The following CRYBB2 variants were observed in gnomAD, a reference collection of about 807,000 sequenced individuals.
CRYBB2 encodes the protein crystallin beta B2, also known as beta-crystallin B2.
In CRYBB2, 12 loss-of-function variants were observed where a neutral mutation model predicts 24.3. The ratio of observed to expected loss-of-function variants is 0.49; its 90% CI spans 0.32 to 0.80. The LOEUF (loss-of-function observed/expected upper bound fraction) is 0.80, where lower values mean the gene tolerates loss of function less well. Among genes scored for constraint, CRYBB2 ranks in the 30% least tolerant of loss-of-function variants. The probability of loss-of-function intolerance (pLI) is 0.04; values close to 1 mark genes in which losing one functional copy is unlikely to be tolerated. For synonymous variants in CRYBB2, 98 were observed against 101.6 expected, an observed-to-expected ratio of 0.96 and a Z score of 0.21; for missense variants, 198 against 268.5, an observed-to-expected ratio of 0.74 and a Z score of 1.83.
In CRYBB2 at chr22:25,227,721, T is replaced by G. The variant is rs528096338; in HGVS notation, c.174-132T>G. The G allele has an allele frequency of 1.0e-4, 152 of 1,491,638 alleles. No homozygotes were observed. In the East Asian group the frequency reaches 2.6e-3, roughly 25 times the overall value. 92.4% of individuals were successfully genotyped at this position (1,491,638 alleles called of 1,614,324 possible). On this transcript the variant is annotated intron_variant, in intron 3 of 5. Coordinates refer to ENST00000398215, the MANE Select transcript of CRYBB2 (RefSeq NM_000496.3). ...CACTTGGATTTGCTGTGCTAAGGTT[T>G]GGGTGGGGCTATTACATCTTGCCGG...
intron 3 of CRYBB2, among the ~76,000 whole-genome samples, chr22:25,226,966 G>A (rs1315815600): frequency 2.6e-5 from 4 of 152,048 alleles, no homozygotes; most frequent in South Asian, 2.1e-4. Context: ...GAGCCACAGC[G>A]CCCAGCCCCT....
intron 5 of CRYBB2, among the ~76,000 whole-genome samples, chr22:25,230,597 A>G (rs9612899): frequency 0.12 from 18,074 of 147,416 alleles, 1,322 homozygotes; most frequent in Non-Finnish European, 0.17. Context: ...AACAGAACCA[A>G]TTTAGCCAAA....
chr22:25,218,716 G>GAGGAGAGAGAA (rs1935230404), upstream of CRYBB2, among the ~76,000 whole-genome samples: 2 of 79,320 alleles, frequency 2.5e-5, 1 homozygote, highest in Non-Finnish European at 4.3e-5. Context: ...GGGAGAGAGA[G>GAGGAGAGAGAA]AGAGAGAGAG....
At chr22:25,230,932 C>T (rs1308734630) in intron 5 of CRYBB2, among the ~76,000 whole-genome samples, 2 of 152,036 alleles carry the variant, frequency 1.3e-5, no homozygotes, top group South Asian at 4.2e-4. Flanking sequence ...GGAAGAGCAT[C>T]CCAGACAACG....
At chr22:25,218,123 T>A (rs144054147), upstream of CRYBB2, among the ~76,000 whole-genome samples, 2 of 150,688 alleles carry the variant, frequency 1.3e-5, no homozygotes, top group Non-Finnish European at 2.9e-5. Context: ...GCCGGGCGTG[T>A]TGGCGGGCGC....
At chr22:25,229,609 G>T in intron 5 of CRYBB2, 31 bp downstream of exon 5, 1 of 1,613,102 alleles carries the variant, frequency 6.2e-7, no homozygotes, top group South Asian at 1.1e-5. Flanking sequence ...GGCTCACCCT[G>T]CCCCAGGAAC....
At chr22:25,218,792 A>AAAAGAAAG (rs1935256597), upstream of CRYBB2, among the ~76,000 whole-genome samples, 1 of 107,484 alleles carries the variant, frequency 9.3e-6, no homozygotes, top group East Asian at 3.4e-4. Context: ...GAAAGAAAGA[A>AAAAGAAAG]AGAAAGAAAG....
rs75670616 is a variant in CRYBB2, at chr22:25,219,972, A to C, written c.-27+306A>C. On this transcript the variant is annotated intron_variant, in intron 1 of 5. Transcript: ENST00000398215. ...GTTTCGCCAGTCGCTGAGGAGGAGA[A>C]TGTAACTGAGGGTTTTGCAAGAATC... 4.8e-3 allele frequency among the ~76,000 whole-genome samples: 737 copies of C among 152,242 alleles called. 2 individuals are homozygous for C. Among genetic ancestry groups the C allele is most frequent in the Non-Finnish European group, 7.0e-3 (476 of 68,018 alleles).
rs774625190 is a variant in CRYBB2 at position 25,227,895 on chromosome 22, T to A, written c.216T>A (p.Phe72Leu). 6.2e-7 allele frequency: 1 copy of A among 1,614,114 alleles called. No homozygotes were observed. Among genetic ancestry groups the A allele is most frequent in the East Asian group, 2.2e-5 (1 of 44,868 alleles). The change falls in exon 4 of 6, where the codon TTT (phenylalanine) becomes TTA (leucine). Residue 72 changes from phenylalanine to leucine, a missense_variant. Phe to Leu is a conservative substitution (Grantham distance 22). Coordinates refer to ENST00000398215, the MANE Select transcript of CRYBB2 (RefSeq NM_000496.3). ...YEQANCKGEQ[F>L]VFEKGEYPRW... ...AGGCCAACTGCAAGGGCGAGCAGTT[T>A]GTGTTTGAGAAGGGTGAGTACCCCC...
upstream of CRYBB2, among the ~76,000 whole-genome samples, chr22:25,216,286 T>A (rs540778610): frequency 3.3e-5 from 5 of 152,186 alleles, no homozygotes; most frequent in Admixed American, 6.5e-5. Flanking sequence ...AGGAACCAAT[T>A]TGAAACAAAG....
upstream of CRYBB2, among the ~76,000 whole-genome samples, chr22:25,218,851 A>C (rs1037190924): frequency 6.7e-6 from 1 of 148,288 alleles, no homozygotes; most frequent in Non-Finnish European, 1.5e-5. Context: ...AAAGAAAGAA[A>C]GAAAGAAAAG....
upstream of CRYBB2, among the ~76,000 whole-genome samples, chr22:25,215,110 C>T (rs1007009257): frequency 3.3e-5 from 5 of 152,226 alleles, no homozygotes; most frequent in Non-Finnish European, 7.3e-5. Context: ...AACAGGCCCC[C>T]AAAATCTGGC....
upstream of CRYBB2, among the ~76,000 whole-genome samples, chr22:25,218,511 A>G (rs186938273): frequency 1.3e-5 from 2 of 150,990 alleles, no homozygotes; most frequent in African/African-American, 4.9e-5. Flanking sequence ...CAGCAAAAAA[A>G]AGAATTTAGC....
intron 1 of CRYBB2, among the ~76,000 whole-genome samples, chr22:25,213,947 G>A (rs1174966427): frequency 6.6e-6 from 1 of 152,134 alleles, no homozygotes; most frequent in African/African-American, 2.4e-5. Context: ...TAGATCCTAT[G>A]TAGGCACTGG....
At chr22:25,225,166 A>G in intron 3 of CRYBB2, 130 bp downstream of exon 3, 1 of 740,894 alleles carries the variant, frequency 1.3e-6, no homozygotes, top group Non-Finnish European at 2.5e-6. Context: ...CAGCCTATGG[A>G]GATAATTCAT....
upstream of CRYBB2, among the ~76,000 whole-genome samples, chr22:25,218,186 G>C (rs183811008): frequency 6.6e-6 from 1 of 151,966 alleles, no homozygotes; most frequent in Non-Finnish European, 1.5e-5. Context: ...GTGAACACGG[G>C]AGGCAGAGCT....
chr22:25,219,000 A>T (rs749306257), upstream of CRYBB2, among the ~76,000 whole-genome samples: 54 of 152,014 alleles, frequency 3.6e-4, no homozygotes, highest in Non-Finnish European at 2.1e-4. Context: ...TAGCTTTGTT[A>T]ACCTGTTTTC....
rs1409068239 is a variant in CRYBB2, at chr22:25,221,465, A to G, written c.36A>G (p.Pro12=). 6.2e-7 allele frequency: 1 copy of G among 1,613,808 alleles called. No homozygotes were observed. Among genetic ancestry groups the G allele is most frequent in the South Asian group, 1.1e-5 (1 of 91,082 alleles). ...ASDHQTQAGK[P]QSLNPKIIIF... ...ATCACCAGACCCAGGCGGGCAAGCC[A>G]CAGTCCCTCAACCCCAAGGTGGGTA... The change falls in exon 2 of 6, where the codon CCA becomes CCG. Residue 12 remains proline (P), a synonymous_variant. Coordinates refer to ENST00000398215, the MANE Select transcript of CRYBB2 (RefSeq NM_000496.3).
intron 1 of CRYBB2, 136 bp from the exon 2 acceptor site, chr22:25,221,268 C>T: frequency 1.5e-6 from 1 of 681,604 alleles, no homozygotes. Context: ...CTTACGGACC[C>T]CACAGCTCTG....
Sources: gnomAD v4.1 joint callset for allele counts (sites outside exome capture counted in the v4.1 genomes callset) on GRCh38, gnomAD v4.1.1 for gene constraint, MANE v1.5 for transcripts, NCBI Gene and HGNC (gene_info 2026-07-23, HGNC 2026-07-21) for gene names.